XDH: variants seen among roughly 807,000 people sequenced by gnomAD.
XDH encodes the protein xanthine dehydrogenase/oxidase.
XDH carries 138 observed loss-of-function variants against 156.1 expected under a neutral mutation model. The observed-to-expected ratio is 0.88, with a 90% CI of 0.77 to 1.02. The LOEUF (loss-of-function observed/expected upper bound fraction) is 1.02. Ranked by LOEUF, XDH falls within the 50% of genes least tolerant of loss-of-function variation. The pLI, the probability that XDH is intolerant of heterozygous loss-of-function variation, is 0.00. For synonymous variants in XDH, 669 were observed against 625.7 expected (o/e 1.07, Z -1.03); for missense variants, 1,849 against 1,684.9 (o/e 1.10, Z -1.71).
Position 31,348,919 on chromosome 2 carries a change from T to A in XDH, c.3031A>T (p.Thr1011Ser), listed in dbSNP as rs767019876. 1.9e-6 allele frequency: 3 copies of A among 1,613,412 alleles called. No homozygotes were observed. In the Admixed American group the frequency reaches 5.0e-5, roughly 27 times the overall value. The change falls in exon 27 of 36, where the codon ACA becomes TCA. Residue 1011 changes from threonine (T) to serine (S), a missense_variant. Transcript: ENST00000379416. The part of the protein sequence containing the change: ...IIPTKFGISF[T>S]VPFLNQAGAL... ...ATTACCTGATTCAGAAAAGGAACTG[T>A]AAAGCTTATTCCAAACTTGGTGGGA...
At chr2:31,374,523 A>G (rs111244539) in intron 15 of XDH, among the ~76,000 whole-genome samples, 1,956 of 152,350 alleles carry the variant, frequency 0.013, 50 homozygotes, top group African/African-American at 0.045. Context: ...AGATAGATGG[A>G]CAGATAAATG....
intron 6 of XDH, among the ~76,000 whole-genome samples, chr2:31,391,229 T>C (rs773455392): frequency 6.6e-6 from 1 of 152,210 alleles, no homozygotes; most frequent in South Asian, 2.1e-4. Flanking sequence ...AAAAAGACAA[T>C]CTTTGCTCCA....
chr2:31,383,031 C>A lies in XDH; in HGVS notation c.1008G>T (p.Trp336Cys), dbSNP rs1686479182. The stretch of plus-strand genomic sequence containing the variant: ...CAGACTTGACTTGCTTCCCAGCAAA[C>A]CAGCGCAGCTGCTCCAGGACCCCTC... The part of the protein sequence containing the change: ...VFRGVLEQLR[W>C]FAGKQVKSVA... The change falls in exon 11 of 36, where the codon TGG becomes TGT. Residue 336 changes from tryptophan to cysteine, a missense_variant. Trp to Cys is a radical substitution (Grantham distance 215, BLOSUM62 -2). Coordinates refer to ENST00000379416, the MANE Select transcript of XDH (RefSeq NM_000379.4). 5 of 1,614,170 alleles carry A rather than the reference C, an allele frequency of 3.1e-6. No individual in the cohort carries two copies. The highest frequency in any genetic ancestry group is 4.2e-6 in the Non-Finnish European group (5 of 1,180,040).
intron 33 of XDH, among the ~76,000 whole-genome samples, chr2:31,340,225 C>T (rs1572508209): frequency 6.6e-6 from 1 of 152,308 alleles, no homozygotes; most frequent in East Asian, 1.9e-4. Flanking sequence ...CCTCAACGAG[C>T]ATTCAGAAAA....
chr2:31,368,596 G>GC lies in XDH; in HGVS notation c.2044dup (p.Ala682GlyfsTer10), dbSNP rs1324800056. 1.2e-6 allele frequency: 2 copies of GC among 1,614,088 alleles called. No individual in the cohort carries two copies. The highest frequency in any genetic ancestry group is 3.3e-5 in the Admixed American group (2 of 60,016). On this transcript the variant is annotated frameshift_variant, in exon 19 of 36. Coordinates refer to ENST00000379416, the MANE Select transcript of XDH (RefSeq NM_000379.4). LOFTEE classifies it high-confidence loss of function. Reference sequence around the variant, plus strand: ...ATAGGTGATTTTCACCCCTTGGGCAGCTCTCTGTGTGTGTTCCGGGGTGTC... The same window carrying GC: ...ATAGGTGATTTTCACCCCTTGGGCAGCCTCTCTGTGTGTGTTCCGGGGTGTC...
At chr2:31,378,111 G>GAAAGAAAGAAAGAAAGAAAGAAAGAAA (rs1686310900) in intron 13 of XDH, among the ~76,000 whole-genome samples, 1 of 41,712 alleles carries the variant, frequency 2.4e-5, no homozygotes, top group African/African-American at 1.1e-4. Context: ...AGAAAGAAAG[G>GAAAGAAAGAAAGAAAGAAAGAAAGAAA]AAGGAAGGAA....
At chr2:31,371,015 T>G (rs1210347582) in intron 17 of XDH, among the ~76,000 whole-genome samples, 1 of 152,240 alleles carries the variant, frequency 6.6e-6, no homozygotes, top group Non-Finnish European at 1.5e-5. Flanking sequence ...GGAGCCCGGC[T>G]GTGCCACTGA....
intron 6 of XDH, among the ~76,000 whole-genome samples, chr2:31,396,173 C>G (rs1293528129): frequency 6.6e-6 from 1 of 152,208 alleles, no homozygotes; most frequent in Non-Finnish European, 1.5e-5. Flanking sequence ...CTGCTCAGAG[C>G]TCTCAGTCTT....
intron 34 of XDH, among the ~76,000 whole-genome samples, chr2:31,338,911 G>C (rs886447410): frequency 6.6e-6 from 1 of 151,630 alleles, no homozygotes; most frequent in African/African-American, 2.4e-5. Flanking sequence ...TTTTAGTAGA[G>C]ATGGGGTTTT....
chr2:31,367,788 T>G (rs1440938238), intron 20 of XDH, among the ~76,000 whole-genome samples, 173 bp downstream of exon 20: 1 of 152,174 alleles, frequency 6.6e-6, no homozygotes, highest in African/African-American at 2.4e-5. Flanking sequence ...TTAAGATAAC[T>G]GAAGCTCTTT....
At chr2:31,347,710 T>C in intron 28 of XDH, 60 bp from the exon 29 acceptor site, 1 of 1,587,302 alleles carries the variant, frequency 6.3e-7, no homozygotes, top group Non-Finnish European at 8.6e-7. Context: ...TTGGCTGCCT[T>C]CTCCCCAAGA....
rs1685905600 is a variant in XDH at position 31,366,011 on chromosome 2, A to T, written c.2421T>A (p.Thr807=). The T allele has an allele frequency of 6.2e-7, 1 of 1,614,102 alleles. No homozygotes were observed. Among genetic ancestry groups the T allele is most frequent in the South Asian group, 1.1e-5 (1 of 91,084 alleles). Residue 807 remains threonine, a synonymous_variant, in exon 22 of 36, where the codon ACT becomes ACA. Coordinates refer to ENST00000379416, the MANE Select transcript of XDH (RefSeq NM_000379.4). ...CCAGGGCCACTGCCGTGGACACCAC[A>T]GTGCTCCGGGTCTCCTTGCCTCCAA... ...GGFGGKETRS[T]VVSTAVALAA... is the part of the protein sequence containing the mutation.
At chr2:31,399,102 A>C (rs1686989039) in intron 4 of XDH, among the ~76,000 whole-genome samples, 1 of 152,210 alleles carries the variant, frequency 6.6e-6, no homozygotes, top group Non-Finnish European at 1.5e-5. Flanking sequence ...TGACAGAAAC[A>C]GTCAAAGGTG....
At chr2:31,343,305 TATATA>T (rs1441900037) in intron 31 of XDH, among the ~76,000 whole-genome samples, 59 of 101,032 alleles carry the variant, frequency 5.8e-4, no homozygotes, top group Non-Finnish European at 9.2e-4. Flanking sequence ...TATATATATA[TATATA>T]TATATATATA....
At chr2:31,407,331 C>G (rs150536447) in intron 1 of XDH, among the ~76,000 whole-genome samples, 2 of 152,082 alleles carry the variant, frequency 1.3e-5, no homozygotes. Flanking sequence ...TATACACTCC[C>G]GGAGCTTGGT....
chr2:31,386,119 G>A (rs1291783602), intron 9 of XDH, among the ~76,000 whole-genome samples: 1 of 152,182 alleles, frequency 6.6e-6, no homozygotes, highest in African/African-American at 2.4e-5. Context: ...AATCCTTCAA[G>A]GAGTTGTTAG....
rs962693746 is a variant in XDH, at chr2:31,383,645, AG to A, written c.886+109del. ...GTGCAAGGTGAGCCCCAGGAGAAGC[AG>A]GGGGCAGCCAGAGCCAGTGGGGAGA... On this transcript the variant is annotated intron_variant, in intron 10 of 35. Transcript: ENST00000379416. 5.0e-6 allele frequency: 5 copies of A among 994,064 alleles called. No individual in the cohort carries two copies. The African/African-American group carries it at 6.4e-5, about 13-fold the overall frequency. The allele number at this position is 994,064 out of a possible 1,614,324, so 61.6% of individuals were successfully genotyped here. A position where few individuals can be genotyped will look rare whatever the true frequency, so the allele number is the denominator to read the frequency against.
Position 31,372,479 on chromosome 2 carries a change from A to G in XDH, c.1687-82T>C. ...GGCCCAGGGGACACTGGTGAGCTTC[A>G]TGCTACATGGCAAAGGACACCAAGG... On this transcript the variant is annotated intron_variant, in intron 16 of 35. Transcript: ENST00000379416. The G allele has an allele frequency of 3.8e-6, 6 of 1,589,910 alleles. No individual in the cohort carries two copies. In the South Asian group the frequency reaches 5.6e-5, roughly 15 times the overall value.
At position 31,365,534 on chromosome 2, in the gene XDH, G is replaced by A. The variant is rs745512463; in HGVS notation, c.2467C>T (p.Pro823Ser). The A allele has an allele frequency of 2.5e-6, 4 of 1,614,138 alleles. No individual in the cohort carries two copies. The highest frequency in any genetic ancestry group is 3.4e-6 in the Non-Finnish European group (4 of 1,180,030). ...TCACGGTCCAGCATGCATCGCACAG[G>A]GCGGCCGGTCCTGGGGGTTACCGAC... ...VALAAYKTGR[P>S]VRCMLDRDED... is the part of the protein sequence containing the mutation. Residue 823 changes from proline (P) to serine (S), a missense_variant, in exon 23 of 36, where the codon CCT (proline) becomes TCT (serine). By Grantham distance (74) the Pro-to-Ser change is moderately conservative. Coordinates refer to ENST00000379416, the MANE Select transcript of XDH (RefSeq NM_000379.4).
Sources: allele counts gnomAD v4.1 joint callset (sites outside exome capture counted in the v4.1 genomes callset), GRCh38; gene constraint gnomAD v4.1.1; transcripts MANE v1.5; gene names NCBI Gene and HGNC (gene_info 2026-07-23, HGNC 2026-07-21).